Variants in MPZL2 observed in about 807,000 individuals in gnomAD.
MPZL2 encodes the protein myelin protein zero like 2, also known as myelin protein zero-like protein 2.
Under a neutral mutation model 24.5 loss-of-function variants are expected in MPZL2, and 32 were observed. That is an observed-to-expected ratio of 1.31 (90% CI 0.99 to 1.76). The LOEUF is 1.76. Ranked by LOEUF, MPZL2 falls within the 40% of genes most tolerant of loss-of-function variation. The pLI is 0.00. For synonymous variants in MPZL2, 92 were observed against 97.9 expected (o/e 0.94, Z 0.36); for missense variants, 304 against 274.9 (o/e 1.11, Z -0.75).
Position 118,263,084 on chromosome 11 carries a change from T to C in MPZL2, c.72A>G (p.Ile24Met), listed in dbSNP as rs756215789. 1 of 1,611,830 alleles carries C rather than the reference T, an allele frequency of 6.2e-7. No individual in the cohort carries two copies. Among genetic ancestry groups the C allele is most frequent in the Non-Finnish European group, 8.5e-7 (1 of 1,178,144 alleles). The change falls in exon 2 of 6, where the codon ATA becomes ATG. Residue 24 changes from isoleucine (I) to methionine (M), a missense_variant. Physicochemically the swap from Ile to Met is conservative, Grantham distance 10 (BLOSUM62 1). Transcript: ENST00000278937. ...LGIQLTALWP[I>M]AAVEIYTSRV... The stretch of plus-strand genomic sequence containing the variant: ...GGGAGGTATAAATTTCCACAGCTGC[T>C]ATAGGCCAAAGAGCTGCAATGAAAA...
intron 5 of MPZL2, among the ~76,000 whole-genome samples, chr11:118,255,867 T>C (rs1237394270): frequency 2.0e-5 from 3 of 152,214 alleles, no homozygotes; most frequent in African/African-American, 7.2e-5. Context: ...CCTCCAAGCT[T>C]GTTTTTACAA....
chr11:118,262,132 C>T lies in MPZL2; in HGVS notation c.436+306G>A, dbSNP rs151129736. The stretch of plus-strand genomic sequence containing the variant: ...TCGAATAAATGAGTGAGTGAACAGA[C>T]CTGTTGTAAGCCTTTCATCAAAGAA... On this transcript the variant is annotated intron_variant, in intron 3 of 5. Coordinates refer to ENST00000278937, the MANE Select transcript of MPZL2 (RefSeq NM_005797.4). Among the ~76,000 whole-genome samples the T allele has an allele frequency of 5.5e-4, 83 of 152,232 alleles. 1 individual carries two copies. In the East Asian group the frequency reaches 0.014, roughly 27 times the overall value.
In MPZL2 at chr11:118,263,025, C is replaced by A; in HGVS notation, c.131G>T (p.Arg44Leu). The A allele has an allele frequency of 1.2e-6, 2 of 1,614,134 alleles. No individual in the cohort carries two copies. Among genetic ancestry groups the A allele is most frequent in the Non-Finnish European group, 1.7e-6 (2 of 1,180,010 alleles). ...VLEAVNGTDA[R>L]LKCTFSSFAP... ...AAAGCTGGAGAAAGTGCATTTTAAC[C>A]GAGCATCTGTCCCATTAACAGCCTC... is the stretch of plus-strand genomic sequence containing the variant. The change falls in exon 2 of 6, where the codon CGG (arginine) becomes CTG (leucine). Residue 44 changes from arginine to leucine, a missense_variant. Coordinates refer to ENST00000278937, the MANE Select transcript of MPZL2 (RefSeq NM_005797.4).
In MPZL2 at chr11:118,263,089, G is replaced by A. The variant is rs1949714745; in HGVS notation, c.67C>T (p.Pro23Ser). The change falls in exon 2 of 6, where the codon CCT becomes TCT. Residue 23 changes from proline (P) to serine (S), a missense_variant. Physicochemically the swap from Pro to Ser is moderately conservative, Grantham distance 74 (BLOSUM62 -1). Transcript: ENST00000278937. ...LLGIQLTALW[P>S]IAAVEIYTSR... ...GTATAAATTTCCACAGCTGCTATAG[G>A]CCAAAGAGCTGCAATGAAAAAGAAG... 1 of 1,613,040 alleles carries A rather than the reference G, an allele frequency of 6.2e-7. No homozygotes were observed. The highest frequency in any genetic ancestry group is 8.5e-7 in the Non-Finnish European group (1 of 1,179,700).
rs1949646654 is a variant in MPZL2, at chr11:118,253,953, A to G, written c.*1293T>C. The G allele has an allele frequency of 6.6e-6, 1 of 152,604 alleles. No homozygotes were observed. Among genetic ancestry groups the G allele is most frequent in the Non-Finnish European group, 1.5e-5 (1 of 67,996 alleles). 9.5% of individuals were successfully genotyped at this position (152,604 alleles called of 1,614,324 possible). On this transcript the variant is annotated 3_prime_UTR_variant, in exon 6 of 6. Coordinates refer to ENST00000278937, the MANE Select transcript of MPZL2 (RefSeq NM_005797.4). ...ATTCCAGTTTGTTAAAAGAAAAAAC[A>G]TCTGCAGTCCAGTCGATTAAAAACT... is the stretch of plus-strand genomic sequence containing the variant.
At chr11:118,260,258 T>C in intron 3 of MPZL2, 57 bp from the exon 4 acceptor site, 1 of 1,558,300 alleles carries the variant, frequency 6.4e-7, no homozygotes, top group Non-Finnish European at 8.8e-7. Flanking sequence ...TACAATGAAA[T>C]CTAATGACAT....
Position 118,254,629 on chromosome 11 carries a change from A to T in MPZL2, c.*617T>A, listed in dbSNP as rs1325430602. 2.0e-5 allele frequency: 3 copies of T among 152,248 alleles called. No homozygotes were observed. In the East Asian group the frequency reaches 5.8e-4, roughly 29 times the overall value. The allele number at this position is 152,248 out of a possible 1,614,324, so 9.4% of individuals were successfully genotyped here. ...AGCGTTGTGCTATTGTAAATCTTGG[A>T]TTAATTAACAAAACAACAAAAATCT... On this transcript the variant is annotated 3_prime_UTR_variant, in exon 6 of 6. Coordinates refer to ENST00000278937, the MANE Select transcript of MPZL2 (RefSeq NM_005797.4).
intron 2 of MPZL2, 102 bp downstream of exon 2, chr11:118,262,829 G>A: frequency 1.4e-6 from 2 of 1,460,060 alleles, no homozygotes; most frequent in East Asian, 2.3e-5. Context: ...GCTTAACCTT[G>A]TGCTTGCTGC....
intron 2 of MPZL2, 106 bp from the exon 3 acceptor site, chr11:118,262,754 G>A: frequency 1.5e-6 from 2 of 1,356,162 alleles, no homozygotes; most frequent in Non-Finnish European, 2.1e-6. Flanking sequence ...TGTCCTGTCT[G>A]CAGCTCTGTC....
rs1423341660 is a variant in MPZL2 at position 118,262,617 on chromosome 11, G to T, written c.257C>A (p.Pro86His). The change falls in exon 3 of 6, where the codon CCC (proline) becomes CAC (histidine). Residue 86 changes from proline to histidine, a missense_variant. Pro to His is a moderately conservative substitution (Grantham distance 77). Coordinates refer to ENST00000278937, the MANE Select transcript of MPZL2 (RefSeq NM_005797.4). The part of the protein sequence containing the change: ...VFYYHIDPFQ[P>H]MSGRFKDRVS... ...CCGGTCCTTAAACCGCCCACTCATG[G>T]GTTGGAAGGGATCTATGTGGTAGTA... 3.1e-6 allele frequency: 5 copies of T among 1,613,888 alleles called. No homozygotes were observed. In the Admixed American group the frequency reaches 8.3e-5, roughly 27 times the overall value.
Position 118,262,874 on chromosome 11 carries a change from C to G in MPZL2, c.225+57G>C, listed in dbSNP as rs79368713. 2,014 of 1,565,488 alleles carry G rather than the reference C, an allele frequency of 1.3e-3. 22 individuals carry two copies. In the African/African-American group the frequency reaches 0.025, roughly 19 times the overall value. On this transcript the variant is annotated intron_variant, in intron 2 of 5. Transcript: ENST00000278937. The stretch of plus-strand genomic sequence containing the variant: ...TACTGGAAGGGAAAGGAGAAATGGA[C>G]TGGCTTATTATTTCCCTAAACAAGA...
Position 118,264,206 on chromosome 11 carries a change from C to T in MPZL2, c.-53G>A, listed in dbSNP as rs1328212099. 1.2e-5 allele frequency: 19 copies of T among 1,578,998 alleles called. No individual in the cohort carries two copies. Among genetic ancestry groups the T allele is most frequent in the East Asian group, 9.0e-5 (4 of 44,678 alleles). On this transcript the variant is annotated 5_prime_UTR_variant, in exon 1 of 6. Coordinates refer to ENST00000278937, the MANE Select transcript of MPZL2 (RefSeq NM_005797.4). ...ACCGGACGGGGCAGACCGAGGGCTC[C>T]AACACCCTGCCAAGGCCACTCCGGG...
rs1949667809 is a variant in MPZL2, at chr11:118,257,307, T to C, written c.591A>G (p.Glu197=). 4 of 1,611,526 alleles carry C rather than the reference T, an allele frequency of 2.5e-6. No homozygotes were observed. Among genetic ancestry groups the C allele is most frequent in the South Asian group, 1.1e-5 (1 of 90,374 alleles). ...TTTTCTCTTGGTTGAGCCTTTCCTC[T>C]TCTTTTCTGTAACAAGCAGAAACCA... The part of the protein sequence containing the change: ...AHKVVEIKSK[E]EERLNQEKKV... Residue 197 remains glutamate (E), a synonymous_variant, in exon 5 of 6, where the codon GAA becomes GAG. Coordinates refer to ENST00000278937, the MANE Select transcript of MPZL2 (RefSeq NM_005797.4).
At position 118,259,347 on chromosome 11, in the gene MPZL2, T is replaced by C. The variant is rs1949682950; in HGVS notation, c.584+707A>G. 2.0e-5 allele frequency: 3 copies of C among 152,176 alleles called. No homozygotes were observed. In the South Asian group the frequency reaches 6.2e-4, roughly 31 times the overall value. 9.4% of individuals were successfully genotyped at this position (152,176 alleles called of 1,614,324 possible). On this transcript the variant is annotated intron_variant, in intron 4 of 5. Transcript: ENST00000278937. ...TATGCAGTCATAAAAAGGAAAGAAATACTAATACATCAACAAGGATGAGCC... is the reference window on the plus strand; with the variant it reads ...TATGCAGTCATAAAAAGGAAAGAAACACTAATACATCAACAAGGATGAGCC...
Position 118,264,109 on chromosome 11 carries a change from G to A in MPZL2, c.45C>T (p.Gly15=), listed in dbSNP as rs1374850295. 5 of 1,613,998 alleles carry A rather than the reference G, an allele frequency of 3.1e-6. No homozygotes were observed. The highest frequency in any genetic ancestry group is 4.2e-6 in the Non-Finnish European group (5 of 1,180,022). The change falls in exon 1 of 6, where the codon GGC becomes GGT. Residue 15 remains glycine (G), a synonymous_variant. Transcript: ENST00000278937. ...GCCGGCTCTTACCTGTGAGCTGTAT[G>A]CCAAGGAGAAGAAGCACCGCACGAG... ...SSTRAVLLLL[G]IQLTALWPIA... is the part of the protein sequence containing the mutation.
At chr11:118,262,180 T>G (rs1949704640) in intron 3 of MPZL2, among the ~76,000 whole-genome samples, 1 of 152,184 alleles carries the variant, frequency 6.6e-6, no homozygotes, top group African/African-American at 2.4e-5. Context: ...CCTTTCACAA[T>G]CTCAATGCCA....
At chr11:118,257,348 A>C (rs770374137) in intron 4 of MPZL2, 35 bp from the exon 5 acceptor site, 2 of 1,565,118 alleles carry the variant, frequency 1.3e-6, no homozygotes, top group Non-Finnish European at 1.8e-6. Context: ...CAGGTGAACA[A>C]GACAAGAAGC....
In MPZL2 at chr11:118,264,034, A is replaced by G. The variant is rs1949721372; in HGVS notation, c.58+62T>C. On this transcript the variant is annotated intron_variant, in intron 1 of 5. Transcript: ENST00000278937. ...AAGTCTTGCAACTTCTAAGACAATT[A>G]GCTAACTTTATAGAGTGAGCAGTGA... is the stretch of plus-strand genomic sequence containing the variant. 5 of 1,501,584 alleles carry G rather than the reference A, an allele frequency of 3.3e-6. No individual in the cohort carries two copies. The South Asian group carries it at 5.7e-5, about 17-fold the overall frequency. The allele number at this position is 1,501,584 out of a possible 1,614,324, so 93.0% of individuals were successfully genotyped here. A position where few individuals can be genotyped will look rare whatever the true frequency, so the allele number is the denominator to read the frequency against.
Position 118,262,522 on chromosome 11 carries a change from T to C in MPZL2, c.352A>G (p.Asn118Asp). The part of the protein sequence containing the change: ...ILLWKLQFDD[N>D]GTYTCQVKNP... ...TTCACCTGGCAGGTGTATGTCCCAT[T>C]GTCGTCGAACTGCAGTTTCCAGAGA... Residue 118 changes from asparagine (N) to aspartate (D), a missense_variant, in exon 3 of 6, where the codon AAT (asparagine) becomes GAT (aspartate). Physicochemically the swap from Asn to Asp is conservative, Grantham distance 23 (BLOSUM62 1). Transcript: ENST00000278937. 1.9e-6 allele frequency: 3 copies of C among 1,614,158 alleles called. No individual in the cohort carries two copies. The highest frequency in any genetic ancestry group is 2.5e-6 in the Non-Finnish European group (3 of 1,180,022).
Sources: allele counts gnomAD v4.1 joint callset (sites outside exome capture counted in the v4.1 genomes callset), GRCh38; gene constraint gnomAD v4.1.1; transcripts MANE v1.5; gene names NCBI Gene and HGNC (gene_info 2026-07-23, HGNC 2026-07-21).